SAMSN1: variants seen among roughly 807,000 people sequenced by gnomAD.
The protein encoded by SAMSN1 is SAM domain-containing protein SAMSN-1.
SAMSN1 carries 31 observed loss-of-function variants against 42.0 expected under a neutral mutation model. That is an observed-to-expected ratio of 0.74 (90% CI 0.55 to 1.00). The LOEUF (loss-of-function observed/expected upper bound fraction) is 1.00. SAMSN1 is among the 50% of genes least tolerant of loss of function. The pLI is 0.00. For synonymous variants in SAMSN1, 178 were observed against 151.9 expected (o/e 1.17, Z -1.26); for missense variants, 464 against 439.4 (o/e 1.06, Z -0.50).
chr21:14,572,743 C>A (rs941187641), intron 2 of SAMSN1, among the ~76,000 whole-genome samples: 1 of 152,170 alleles, frequency 6.6e-6, no homozygotes, highest in Non-Finnish European at 1.5e-5. Flanking sequence ...AGCCCTTTCA[C>A]ATCCAAGGTG....
chr21:14,501,778 A>C (rs1382603745), intron 5 of SAMSN1, among the ~76,000 whole-genome samples: 1 of 152,206 alleles, frequency 6.6e-6, no homozygotes, highest in Non-Finnish European at 1.5e-5. Context: ...TATTAAGAAG[A>C]GATAACATTT....
At chr21:14,622,166 G>T (rs796795854) in intron 2 of SAMSN1, among the ~76,000 whole-genome samples, 2 of 152,326 alleles carry the variant, frequency 1.3e-5, no homozygotes, top group East Asian at 1.9e-4. Context: ...AAACCACAAA[G>T]ATGGGGTAAA....
At chr21:14,497,919 C>T (rs1321773941) in intron 7 of SAMSN1, among the ~76,000 whole-genome samples, 1 of 152,124 alleles carries the variant, frequency 6.6e-6, no homozygotes, top group Admixed American at 6.5e-5. Flanking sequence ...TACAGAGAAC[C>T]ATCTCAGATA....
At chr21:14,634,346 A>G (rs138154003) in intron 2 of SAMSN1, among the ~76,000 whole-genome samples, 31 of 152,318 alleles carry the variant, frequency 2.0e-4, no homozygotes, top group African/African-American at 7.5e-4. Context: ...GCTTCTGCAC[A>G]GAAAAAGAAA....
At chr21:14,582,188 C>T (rs546183526) in exon 2 of SAMSN1, 1 of 1,550,390 alleles carries the variant, frequency 6.4e-7, no homozygotes, top group Non-Finnish European at 8.7e-7. Flanking sequence ...ACGTGTGTGG[C>T]GAATACAAGA....
intron 1 of SAMSN1, among the ~76,000 whole-genome samples, chr21:14,655,820 A>G (rs1983906029): frequency 6.6e-6 from 1 of 151,856 alleles, no homozygotes; most frequent in Non-Finnish European, 1.5e-5. Context: ...GGAAAGGAAT[A>G]CTTTATAGAT....
At chr21:14,552,145 C>T (rs550974154) in intron 2 of SAMSN1, among the ~76,000 whole-genome samples, 1 of 152,222 alleles carries the variant, frequency 6.6e-6, no homozygotes, top group African/African-American at 2.4e-5. Flanking sequence ...GGGGACAAAT[C>T]TGCATTTCAG....
chr21:14,490,380 C>T (rs2822703), intron 7 of SAMSN1, among the ~76,000 whole-genome samples: 17,084 of 152,090 alleles, frequency 0.11, 1,248 homozygotes, highest in East Asian at 0.35. Context: ...TCCAAAGTGG[C>T]AAAACCCAGG....
chr21:14,658,866 A>G (rs886922149), upstream of SAMSN1: 1 of 696,140 alleles, frequency 1.4e-6, no homozygotes, highest in African/African-American at 1.8e-5. Context: ...GCCAGTTCTC[A>G]TGGGAGATTA....
chr21:14,619,746 C>A, intron 2 of SAMSN1: 1 of 223,674 alleles, frequency 4.5e-6, no homozygotes, highest in Non-Finnish European at 1.0e-5. Context: ...GTGGCATAAA[C>A]CTTCAGAAAT....
At chr21:14,624,477 C>T in intron 2 of SAMSN1, among the ~76,000 whole-genome samples, 1 of 152,206 alleles carries the variant, frequency 6.6e-6, no homozygotes, top group Non-Finnish European at 1.5e-5. Flanking sequence ...TACAAACTAC[C>T]ATCAGAGAAT....
chr21:14,549,743 A>G (rs934974369), upstream of SAMSN1, among the ~76,000 whole-genome samples: 14 of 152,158 alleles, frequency 9.2e-5, no homozygotes, highest in Non-Finnish European at 1.6e-4. Flanking sequence ...TTACTCATCT[A>G]TGATTAAGAA....
At chr21:14,580,928 C>G (rs1981688111) in intron 2 of SAMSN1, among the ~76,000 whole-genome samples, 1 of 151,902 alleles carries the variant, frequency 6.6e-6, no homozygotes, top group African/African-American at 2.4e-5. Context: ...ATAAAACATG[C>G]CTTGAGCAAT....
At chr21:14,586,709 T>A (rs1415162912), upstream of SAMSN1, among the ~76,000 whole-genome samples, 2 of 152,154 alleles carry the variant, frequency 1.3e-5, no homozygotes, top group Non-Finnish European at 2.9e-5. Flanking sequence ...AATATACTGA[T>A]CAGGAGGAGC....
Position 14,485,950 on chromosome 21 carries a change from T to A in SAMSN1, c.1084A>T (p.Met362Leu), listed in dbSNP as rs1330974700. The change falls in exon 8 of 8, where the codon ATG (methionine) becomes TTG (leucine). Residue 362 changes from methionine (M) to leucine (L), a missense_variant. Physicochemically the swap from Met to Leu is conservative, Grantham distance 15 (BLOSUM62 2). Coordinates refer to ENST00000400566, the MANE Select transcript of SAMSN1 (RefSeq NM_022136.5). The stretch of plus-strand genomic sequence containing the variant: ...TCTGTGATAATAATCTTATGTACCA[T>A]GTCAGACAGATTTTCAGACTCCAGA... The part of the protein sequence containing the change: ...EDLESENLSD[M>L]VHKIIITEPS... 1.9e-6 allele frequency: 3 copies of A among 1,613,640 alleles called. No homozygotes were observed. The highest frequency in any genetic ancestry group is 2.5e-6 in the Non-Finnish European group (3 of 1,179,726).
Position 14,563,353 on chromosome 21 carries a change from G to T in SAMSN1, c.261+18783C>A, listed in dbSNP as rs562529325. Among the ~76,000 whole-genome samples the T allele has an allele frequency of 2.0e-5, 3 of 152,244 alleles. No individual in the cohort carries two copies. In the South Asian group the frequency reaches 6.2e-4, roughly 31 times the overall value. On this transcript the variant is annotated intron_variant, in intron 2 of 8. Transcript: ENST00000285670. The stretch of plus-strand genomic sequence containing the variant: ...TTTCTAATTGAATTATATTGAAGGA[G>T]AAATTTAACATGACTTCACTTTGTT...
In SAMSN1 at chr21:14,515,638, T is replaced by A. The variant is rs556274336; in HGVS notation, c.279+1254A>T. The stretch of plus-strand genomic sequence containing the variant: ...GCACAAGTGACCAAAAAAAGATAAT[T>A]GGACTACAATAAAATTAGGAACATT... On this transcript the variant is annotated intron_variant, in intron 3 of 7. Transcript: ENST00000400566. Among the ~76,000 whole-genome samples the A allele has an allele frequency of 1.9e-4, 29 of 152,212 alleles. No homozygotes were observed. In the South Asian group the frequency reaches 6.0e-3, roughly 32 times the overall value.
At chr21:14,641,135 T>C (rs1299273661) in intron 2 of SAMSN1, among the ~76,000 whole-genome samples, 1 of 152,156 alleles carries the variant, frequency 6.6e-6, no homozygotes, top group African/African-American at 2.4e-5. Context: ...ATGTGAATGG[T>C]TTATATCTCT....
Position 14,609,146 on chromosome 21 carries a change from G to A in SAMSN1, c.322+336C>T, listed in dbSNP as rs184778219. ...AATGTTATCTTTAGAGAGTTTTCTC[G>A]TGCTCTAATTTTTAATATATTTTCA... On this transcript the variant is annotated intron_variant, in intron 5 of 15. Transcript: ENST00000647101. Among the ~76,000 whole-genome samples, 535 of 151,764 alleles carry A rather than the reference G, an allele frequency of 3.5e-3. 2 individuals carry two copies. Among genetic ancestry groups the A allele is most frequent in the Middle Eastern group, 0.014 (4 of 292 alleles).
Sources: allele counts gnomAD v4.1 joint callset (sites outside exome capture counted in the v4.1 genomes callset), GRCh38; gene constraint gnomAD v4.1.1; transcripts MANE v1.5; gene names NCBI Gene and HGNC (gene_info 2026-07-23, HGNC 2026-07-21).